Variants in ACVR1C observed in about 807,000 individuals in gnomAD.
ACVR1C encodes the protein activin A receptor type 1C.
In ACVR1C, 23 loss-of-function variants were observed where a neutral mutation model predicts 57.9. The observed-to-expected ratio is 0.40, with a 90% CI of 0.29 to 0.56. ACVR1C has a LOEUF of 0.56. Among genes scored for constraint, ACVR1C ranks in the 20% least tolerant of loss-of-function variants. The probability of loss-of-function intolerance (pLI) is 0.50; values close to 1 mark genes in which losing one functional copy is unlikely to be tolerated. For missense variants in ACVR1C, 480 were observed against 607.9 expected (o/e 0.79, Z 2.21); for synonymous variants, 214 against 215.3 (o/e 0.99, Z 0.05).
intron 1 of ACVR1C, among the ~76,000 whole-genome samples, chr2:157,613,071 T>C (rs1455498720): frequency 6.6e-6 from 1 of 152,198 alleles, no homozygotes. Flanking sequence ...AACAGTCTAG[T>C]GGGGATGTGG....
At chr2:157,612,233 G>A (rs1333529345) in intron 1 of ACVR1C, among the ~76,000 whole-genome samples, 1 of 152,130 alleles carries the variant, frequency 6.6e-6, no homozygotes, top group Non-Finnish European at 1.5e-5. Context: ...GTTTTGGGGG[G>A]TTAGTGGGGA....
Position 157,590,176 on chromosome 2 carries a change from G to C in ACVR1C, c.74-2759C>G, listed in dbSNP as rs1417864061. ...GCAACAAAAACAAAAATAAATAAAT[G>C]TATTATTAATGTAATGAACTTTTCG... On this transcript the variant is annotated intron_variant, in intron 1 of 8. Transcript: ENST00000243349. Among the ~76,000 whole-genome samples, 3 of 151,854 alleles carry C rather than the reference G, an allele frequency of 2.0e-5. No homozygotes were observed. In the East Asian group the frequency reaches 5.8e-4, roughly 29 times the overall value.
At chr2:157,618,058 G>A (rs1682692726) in intron 1 of ACVR1C, among the ~76,000 whole-genome samples, 2 of 151,786 alleles carry the variant, frequency 1.3e-5, no homozygotes, top group African/African-American at 4.8e-5. Flanking sequence ...AAGCAATGAA[G>A]AGTACTAAAA....
At chr2:157,585,056 T>C (rs1287462450) in intron 2 of ACVR1C, among the ~76,000 whole-genome samples, 1 of 152,100 alleles carries the variant, frequency 6.6e-6, no homozygotes, top group African/African-American at 2.4e-5. Flanking sequence ...TCTACAATGA[T>C]AGAAAATAGA....
chr2:157,602,321 T>A (rs908829595), intron 1 of ACVR1C, among the ~76,000 whole-genome samples: 1 of 152,126 alleles, frequency 6.6e-6, no homozygotes, highest in Non-Finnish European at 1.5e-5. Context: ...AAAATTTAAG[T>A]CTCACTAATA....
Position 157,533,058 on chromosome 2 carries a change from T to A in ACVR1C, c.*860A>T, listed in dbSNP as rs1406601983. The A allele has an allele frequency of 1.3e-5, 2 of 152,188 alleles. No homozygotes were observed. The highest frequency in any genetic ancestry group is 1.3e-4 in the Admixed American group (2 of 15,260). 9.4% of individuals were successfully genotyped at this position (152,188 alleles called of 1,614,324 possible). On this transcript the variant is annotated 3_prime_UTR_variant, in exon 9 of 9. Transcript: ENST00000243349. ...AGATTTTGTGCGGGTCCATTATGAT[T>A]CTGCAAAATAACTCAATATGCCTTC...
intron 2 of ACVR1C, among the ~76,000 whole-genome samples, chr2:157,562,698 T>G (rs1370834823): frequency 2.0e-5 from 3 of 151,914 alleles, no homozygotes. Context: ...ATATCCCTGA[T>G]GAACATCAAT....
rs1204936895 is a variant in ACVR1C at position 157,530,175 on chromosome 2, GA to G, written c.*3742del. 2.6e-4 allele frequency: 39 copies of G among 152,236 alleles called. No individual in the cohort carries two copies. The highest frequency in any genetic ancestry group is 9.1e-4 in the African/African-American group (38 of 41,552). The allele number at this position is 152,236 out of a possible 1,614,324, so 9.4% of individuals were successfully genotyped here. ...TTATTTTAAAGGAATGATTATTGAA[GA>G]CATCAACTGCCAGCTTTTATTCATT... On this transcript the variant is annotated 3_prime_UTR_variant, in exon 9 of 9. Transcript: ENST00000243349.
chr2:157,624,055 C>G (rs1459482524), intron 1 of ACVR1C, among the ~76,000 whole-genome samples: 1 of 152,070 alleles, frequency 6.6e-6, no homozygotes, highest in Admixed American at 6.6e-5. Context: ...TATATGTCAA[C>G]ATAATCTGAG....
Position 157,584,188 on chromosome 2 carries a change from C to T in ACVR1C, c.304+2999G>A, listed in dbSNP as rs532195276. 9.9e-5 allele frequency among the ~76,000 whole-genome samples: 15 copies of T among 151,458 alleles called. 1 individual carries two copies. The highest frequency in any genetic ancestry group is 2.9e-4 in the African/African-American group (12 of 41,392). On this transcript the variant is annotated intron_variant, in intron 2 of 8. Transcript: ENST00000243349. The stretch of plus-strand genomic sequence containing the variant: ...CAGAAGAAGATAAAAAAAAAAAACC[C>T]GCCTCCTGGGTTCACGTCATTCTCC...
intron 4 of ACVR1C, among the ~76,000 whole-genome samples, chr2:157,546,728 A>C (rs1687763768): frequency 6.6e-6 from 1 of 152,222 alleles, no homozygotes; most frequent in Non-Finnish European, 1.5e-5. Context: ...AAAGAGAAAA[A>C]GCATAGATAA....
At chr2:157,611,075 G>T (rs1298742718) in intron 1 of ACVR1C, among the ~76,000 whole-genome samples, 1 of 152,090 alleles carries the variant, frequency 6.6e-6, no homozygotes, top group Non-Finnish European at 1.5e-5. Flanking sequence ...TCCCTTGAAG[G>T]TGTCATATGT....
At chr2:157,588,110 T>C (rs770051918) in intron 1 of ACVR1C, among the ~76,000 whole-genome samples, 1 of 151,984 alleles carries the variant, frequency 6.6e-6, no homozygotes, top group Non-Finnish European at 1.5e-5. Context: ...TGCACACATC[T>C]AGTCCATAAA....
intron 1 of ACVR1C, among the ~76,000 whole-genome samples, chr2:157,607,095 G>A (rs1682417739): frequency 6.6e-6 from 1 of 151,550 alleles, no homozygotes. Flanking sequence ...TGTATTCATG[G>A]CAGCTTTTTT....
intron 3 of ACVR1C, among the ~76,000 whole-genome samples, chr2:157,555,101 CTTTTTTTT>C (rs60269781): frequency 1.6e-3 from 133 of 83,914 alleles, no homozygotes; most frequent in Non-Finnish European, 1.3e-3. Flanking sequence ...ACTTTGAACG[CTTTTTTTT>C]TTTTTTTTTT....
chr2:157,534,041 T>C lies in ACVR1C; in HGVS notation c.1359A>G (p.Ala453=). Residue 453 remains alanine (A), a splice_region_variant and synonymous_variant, in exon 9 of 9, where the codon GCA becomes GCG. Transcript: ENST00000243349. ...SIPNQWQSCE[A]LRVMGRIMRE... is the part of the protein sequence containing the mutation. ...GCATTATTCTCCCCATGACTCGGAG[T>C]GCCTTTAAGAGAGAAAAAAAAAATC... 2 of 1,553,226 alleles carry C rather than the reference T, an allele frequency of 1.3e-6. No homozygotes were observed. The highest frequency in any genetic ancestry group is 1.4e-5 in the African/African-American group (1 of 70,638).
At chr2:157,564,958 G>A (rs1345200622) in intron 2 of ACVR1C, among the ~76,000 whole-genome samples, 1 of 152,088 alleles carries the variant, frequency 6.6e-6, no homozygotes, top group Non-Finnish European at 1.5e-5. Flanking sequence ...GACCTGTCAG[G>A]GGGTGGAGGG....
At chr2:157,621,879 G>C (rs1009727219) in intron 1 of ACVR1C, among the ~76,000 whole-genome samples, 10 of 152,062 alleles carry the variant, frequency 6.6e-5, no homozygotes, top group African/African-American at 2.4e-4. Flanking sequence ...TTTATCCTTG[G>C]GCTATTTAGT....
At chr2:157,547,034 T>G in intron 4 of ACVR1C, among the ~76,000 whole-genome samples, 1 of 141,114 alleles carries the variant, frequency 7.1e-6, no homozygotes, top group Non-Finnish European at 1.5e-5. Flanking sequence ...GATCTCATTG[T>G]TCAATTCCCA....
Sources: gnomAD v4.1 joint callset for allele counts (sites outside exome capture counted in the v4.1 genomes callset) on GRCh38, gnomAD v4.1.1 for gene constraint, MANE v1.5 for transcripts, NCBI Gene and HGNC (gene_info 2026-07-23, HGNC 2026-07-21) for gene names.